The following SOCS7 variants were observed in gnomAD, a reference collection of about 807,000 sequenced individuals.
SOCS7 encodes the protein suppressor of cytokine signaling 7, also known as NAP-4.
A neutral mutation model predicts 58.9 loss-of-function variants in SOCS7; 18 were observed. The observed-to-expected ratio is 0.31, with a 90% CI of 0.21 to 0.45. The LOEUF (loss-of-function observed/expected upper bound fraction) is 0.45, where lower values mean the gene tolerates loss of function less well. Ranked by LOEUF, SOCS7 falls within the 20% of genes least tolerant of loss-of-function variation. SOCS7 has a pLI of 1.00. For synonymous variants in SOCS7, 388 were observed against 364.3 expected, an observed-to-expected ratio of 1.06 and a Z score of -0.74; for missense variants, 667 against 837.3, an observed-to-expected ratio of 0.80 and a Z score of 2.51.
intron 6 of SOCS7, among the ~76,000 whole-genome samples, chr17:38,373,522 G>A (rs1469394397): frequency 1.3e-5 from 2 of 152,206 alleles, no homozygotes; most frequent in Non-Finnish European, 2.9e-5. Context: ...TTGTGCAAAT[G>A]CAATTGGGTT....
rs987507572 is a variant in SOCS7, at chr17:38,403,166, A to C, written c.*3684A>C. On this transcript the variant is annotated 3_prime_UTR_variant, in exon 10 of 10. Transcript: ENST00000612932. ...CTCCCTGAGGAGAAAGGTGTGGCCA[A>C]AGGAAACTCCTGCATGGCTCCTGCT... 9 of 152,076 alleles carry C rather than the reference A, an allele frequency of 5.9e-5. No individual in the cohort carries two copies. Among genetic ancestry groups the C allele is most frequent in the African/African-American group, 2.2e-4 (9 of 41,396 alleles). The allele number at this position is 152,076 out of a possible 1,614,324, so 9.4% of individuals were successfully genotyped here.
intron 2 of SOCS7, among the ~76,000 whole-genome samples, chr17:38,362,009 G>C (rs1221157396): frequency 6.6e-6 from 1 of 152,198 alleles, no homozygotes; most frequent in East Asian, 1.9e-4. Flanking sequence ...TAGGTGGCCT[G>C]GGTGGCCCTA....
In SOCS7 at chr17:38,404,666, C is replaced by T. The variant is rs1456611678; in HGVS notation, c.*5184C>T. ...AGTGTGAGGAACTTAGGACACTCTT[C>T]CTCAGACTCTGGGATCATCACATAC... On this transcript the variant is annotated 3_prime_UTR_variant, in exon 10 of 10. Coordinates refer to ENST00000612932, the MANE Select transcript of SOCS7 (RefSeq NM_014598.4). 6.6e-6 allele frequency: 1 copy of T among 152,242 alleles called. No homozygotes were observed. The highest frequency in any genetic ancestry group is 1.9e-4 in the East Asian group (1 of 5,200). The allele number at this position is 152,242 out of a possible 1,614,324, so 9.4% of individuals were successfully genotyped here.
intron 7 of SOCS7, among the ~76,000 whole-genome samples, chr17:38,387,520 T>C (rs1225475483): frequency 1.4e-5 from 2 of 141,664 alleles, no homozygotes; most frequent in Non-Finnish European, 1.5e-5. Flanking sequence ...CAATATATTG[T>C]ATATATTATA....
rs1483416851 is a variant in SOCS7 at position 38,376,963 on chromosome 17, TCA to T, written c.1553-750_1553-749del. Among the ~76,000 whole-genome samples, 4 of 152,178 alleles carry T rather than the reference TCA, an allele frequency of 2.6e-5. No homozygotes were observed. In the South Asian group the frequency reaches 8.3e-4, roughly 31 times the overall value. ...CATTCTTTAGAGTTGCCTCCAGTAT[TCA>T]GCACAGTAACATGCTATACAGGTCT... On this transcript the variant is annotated intron_variant, in intron 6 of 9. Coordinates refer to ENST00000612932, the MANE Select transcript of SOCS7 (RefSeq NM_014598.4).
intron 1 of SOCS7, among the ~76,000 whole-genome samples, chr17:38,353,680 GATCA>G (rs1402567796): frequency 6.6e-6 from 1 of 152,146 alleles, no homozygotes; most frequent in African/African-American, 2.4e-5. Flanking sequence ...GAGGAGGGCG[GATCA>G]CCTGAGCTCA....
Position 38,405,301 on chromosome 17 carries a change from AT to A in SOCS7, c.*5824del, listed in dbSNP as rs2038377281. The A allele has an allele frequency of 6.6e-6, 1 of 151,320 alleles. No homozygotes were observed. The highest frequency in any genetic ancestry group is 6.6e-5 in the Admixed American group (1 of 15,182). 9.4% of individuals were successfully genotyped at this position (151,320 alleles called of 1,614,324 possible). A position where few individuals can be genotyped will look rare whatever the true frequency, so the allele number is the denominator to read the frequency against. On this transcript the variant is annotated 3_prime_UTR_variant, in exon 10 of 10. Transcript: ENST00000612932. ...AAATGCACTTTGGGTGTGTTTTGGT[AT>A]TTTTCTGGGGATAGAGGGGGTGGGG...
At chr17:38,388,782 A>G (rs186061184) in intron 7 of SOCS7, among the ~76,000 whole-genome samples, 241 of 152,302 alleles carry the variant, frequency 1.6e-3, no homozygotes, top group African/African-American at 5.6e-3. Flanking sequence ...TTTACTTAGC[A>G]TAATGTTTTC....
In SOCS7 at chr17:38,381,742, T is replaced by C. The variant is rs534760639; in HGVS notation, c.1681+3900T>C. On this transcript the variant is annotated intron_variant, in intron 7 of 9. Coordinates refer to ENST00000612932, the MANE Select transcript of SOCS7 (RefSeq NM_014598.4). ...ACTTTGGGAGGCCAAGGTGGGCGGA[T>C]TGCCTGAGCTCAGGAGTTCAAGACC... is the stretch of plus-strand genomic sequence containing the variant. Among the ~76,000 whole-genome samples, 5 of 151,682 alleles carry C rather than the reference T, an allele frequency of 3.3e-5. No homozygotes were observed. The South Asian group carries it at 1.0e-3, about 32-fold the overall frequency.
chr17:38,362,004 G>A (rs902237908), intron 2 of SOCS7, among the ~76,000 whole-genome samples: 9 of 152,200 alleles, frequency 5.9e-5, no homozygotes, highest in African/African-American at 2.2e-4. Flanking sequence ...GTAATTAGGT[G>A]GCCTGGGTGG....
chr17:38,379,729 A>C (rs139217132), intron 7 of SOCS7, among the ~76,000 whole-genome samples: 28 of 152,276 alleles, frequency 1.8e-4, no homozygotes, highest in Non-Finnish European at 3.5e-4. Context: ...GTTTTGCCTC[A>C]GTGCTGTCAA....
chr17:38,354,697 A>G (rs1555566627), intron 1 of SOCS7, among the ~76,000 whole-genome samples: 1 of 152,068 alleles, frequency 6.6e-6, no homozygotes, highest in Non-Finnish European at 1.5e-5. Flanking sequence ...CACAGATGAA[A>G]TTTTCATCAG....
At chr17:38,366,080 A>C in intron 4 of SOCS7, 1 of 1,258,418 alleles carries the variant, frequency 7.9e-7, no homozygotes, top group Non-Finnish European at 1.0e-6. Flanking sequence ...AAGTGCCCCC[A>C]CCCATCCTTC....
chr17:38,404,644 G>A lies in SOCS7; in HGVS notation c.*5162G>A, dbSNP rs1042037455. On this transcript the variant is annotated 3_prime_UTR_variant, in exon 10 of 10. Coordinates refer to ENST00000612932, the MANE Select transcript of SOCS7 (RefSeq NM_014598.4). ...TCGTAGTTCCTCCTGGAGATAGAGT[G>A]TGAGGAACTTAGGACACTCTTCCTC... is the stretch of plus-strand genomic sequence containing the variant. 6.6e-6 allele frequency: 1 copy of A among 152,240 alleles called. No individual in the cohort carries two copies. The highest frequency in any genetic ancestry group is 6.5e-5 in the Admixed American group (1 of 15,276). 9.4% of individuals were successfully genotyped at this position (152,240 alleles called of 1,614,324 possible).
intron 6 of SOCS7, among the ~76,000 whole-genome samples, chr17:38,373,564 A>G (rs2037894285): frequency 6.6e-6 from 1 of 152,232 alleles, no homozygotes; most frequent in South Asian, 2.1e-4. Context: ...CTATGAAGCT[A>G]CAGTCTTTTG....
chr17:38,367,795 G>A, intron 5 of SOCS7, 87 bp from the exon 6 acceptor site: 1 of 1,214,414 alleles, frequency 8.2e-7, no homozygotes, highest in Non-Finnish European at 1.2e-6. Flanking sequence ...GAATGCAGAG[G>A]GTTCTCCCAT....
At chr17:38,388,699 C>T (rs1418562001) in intron 7 of SOCS7, among the ~76,000 whole-genome samples, 2 of 152,164 alleles carry the variant, frequency 1.3e-5, no homozygotes, top group East Asian at 1.9e-4. Flanking sequence ...ATCTGTTTTC[C>T]GTTTCTATGG....
Position 38,395,863 on chromosome 17 carries a change from T to A in SOCS7, c.1833T>A (p.Tyr611Ter). 6.2e-7 allele frequency: 1 copy of A among 1,610,756 alleles called. No homozygotes were observed. Among genetic ancestry groups the A allele is most frequent in the Non-Finnish European group, 8.5e-7 (1 of 1,179,174 alleles). Residue 611 changes from tyrosine to a stop codon, truncating the protein, a stop_gained, in exon 9 of 10, where the codon TAT (tyrosine) becomes TAA (stop). Coordinates refer to ENST00000612932, the MANE Select transcript of SOCS7 (RefSeq NM_014598.4). LOFTEE classifies it high-confidence loss of function. The stretch of plus-strand genomic sequence containing the variant: ...TTTTTCACAGACCTCTGATCTCTTA[T>A]ATCCGAAAGTTCTACTACTATGATC... ...DLPLPKPLIS[Y>*]IRKFYYYDPQ... is the part of the protein sequence containing the mutation.
intron 6 of SOCS7, among the ~76,000 whole-genome samples, chr17:38,376,731 CAAA>C (rs771819531): frequency 8.3e-6 from 1 of 119,810 alleles, no homozygotes; most frequent in African/African-American, 3.1e-5. Context: ...GACCCTGTCG[CAAA>C]AAAAAAAAAA....
Sources: allele counts gnomAD v4.1 joint callset (sites outside exome capture counted in the v4.1 genomes callset), GRCh38; gene constraint gnomAD v4.1.1; transcripts MANE v1.5; gene names NCBI Gene and HGNC (gene_info 2026-07-23, HGNC 2026-07-21).